The following ARHGAP6 variants were observed in gnomAD, a reference collection of about 807,000 sequenced individuals.
ARHGAP6 encodes rho GTPase-activating protein 6.
Under a neutral mutation model 55.7 loss-of-function variants are expected in ARHGAP6, and 16 were observed. The observed-to-expected ratio is 0.29, with a 90% confidence interval of 0.19 to 0.44. The LOEUF (loss-of-function observed/expected upper bound fraction) is 0.44. Among genes scored for constraint, ARHGAP6 ranks in the 20% least tolerant of loss-of-function variants. The pLI is 1.00. For synonymous variants in ARHGAP6, 382 were observed against 360.9 expected, an observed-to-expected ratio of 1.06 and a Z score of -0.66; for missense variants, 698 against 808.9, an observed-to-expected ratio of 0.86 and a Z score of 1.66.
At chrX:11,572,145 TAATCA>T (rs1403667631) in intron 1 of ARHGAP6, among the ~76,000 whole-genome samples, 3 of 111,945 alleles carry the variant, frequency 2.7e-5, no homozygotes, top group Non-Finnish European at 5.6e-5. Flanking sequence ...ACTATCAGGA[TAATCA>T]AATCATAATG....
chrX:11,658,118 C>G (rs1308421878), intron 1 of ARHGAP6, among the ~76,000 whole-genome samples: 1 of 111,759 alleles, frequency 8.9e-6, no homozygotes, highest in Non-Finnish European at 1.9e-5. Flanking sequence ...GCCCTTGGCT[C>G]TTTGCCTGAG....
At chrX:11,398,315 T>C (rs991167978) in intron 1 of ARHGAP6, among the ~76,000 whole-genome samples, 25 of 108,522 alleles carry the variant, frequency 2.3e-4, no homozygotes, top group South Asian at 4.1e-4. Flanking sequence ...TGTTTTCTAA[T>C]GTTTGCAGAG....
chrX:11,271,081 A>G (rs1451580373), intron 1 of ARHGAP6, among the ~76,000 whole-genome samples: 1 of 111,975 alleles, frequency 8.9e-6, no homozygotes, highest in Non-Finnish European at 1.9e-5. Flanking sequence ...TCTTGAAATA[A>G]GAAGGAAACT....
chrX:11,543,011 C>G (rs1029491875), intron 1 of ARHGAP6, among the ~76,000 whole-genome samples: 1 of 111,706 alleles, frequency 9.0e-6, no homozygotes, highest in Admixed American at 9.5e-5. Context: ...TGGGAAGGGT[C>G]TCCTTTGGGT....
At chrX:11,149,117 T>G (rs2057650) in intron 10 of ARHGAP6, among the ~76,000 whole-genome samples, 22,172 of 111,472 alleles carry the variant, frequency 0.2, 1,652 homozygotes, top group Middle Eastern at 0.26. Context: ...GGTGAAATTT[T>G]TCCCCTCATT....
intron 1 of ARHGAP6, among the ~76,000 whole-genome samples, chrX:11,610,407 T>C (rs1477403210): frequency 9.0e-6 from 1 of 110,934 alleles, no homozygotes; most frequent in Admixed American, 9.6e-5. Flanking sequence ...TATCCCCATT[T>C]TTCAGGTGAG....
intron 1 of ARHGAP6, among the ~76,000 whole-genome samples, chrX:11,475,563 A>G (rs1234189658): frequency 8.6e-4 from 24 of 27,876 alleles, no homozygotes; most frequent in Admixed American, 3.7e-3. Context: ...AAGAAACTAC[A>G]CACACACACA....
intron 1 of ARHGAP6, among the ~76,000 whole-genome samples, chrX:11,460,161 C>T (rs1462383128): frequency 1.8e-5 from 2 of 111,079 alleles, no homozygotes; most frequent in Non-Finnish European, 3.8e-5. Flanking sequence ...TCCATAGTAG[C>T]CTACAGGAGA....
intron 8 of ARHGAP6, among the ~76,000 whole-genome samples, chrX:11,177,148 C>T (rs1280266787): frequency 9.0e-6 from 1 of 111,381 alleles, no homozygotes; most frequent in Non-Finnish European, 1.9e-5. Context: ...AGTCTAAAAC[C>T]TCCTGAGGAA....
chrX:11,264,941 G>A lies in ARHGAP6; in HGVS notation c.589-10234C>T, dbSNP rs768209506. On this transcript the variant is annotated intron_variant, in intron 1 of 12. Transcript: ENST00000337414. Reference sequence around the variant, plus strand: ...GCACAGAACTTAAGTAACTTGCCAAGAGCACACACCAATTAAGTGGCAGAG... The same window carrying A: ...GCACAGAACTTAAGTAACTTGCCAAAAGCACACACCAATTAAGTGGCAGAG... Among the ~76,000 whole-genome samples, 9 of 112,505 alleles carry A rather than the reference G, an allele frequency of 8.0e-5. No individual in the cohort carries two copies. The South Asian group carries it at 3.3e-3, about 41-fold the overall frequency.
intron 1 of ARHGAP6, among the ~76,000 whole-genome samples, chrX:11,436,019 C>T (rs1187819597): frequency 9.8e-5 from 11 of 112,164 alleles, no homozygotes; most frequent in Admixed American, 8.5e-4. Flanking sequence ...TTCAGAAGCA[C>T]AAAATTTTTT....
At chrX:11,601,588 A>G (rs1367200636) in intron 1 of ARHGAP6, among the ~76,000 whole-genome samples, 1 of 112,105 alleles carries the variant, frequency 8.9e-6, no homozygotes, top group African/African-American at 3.2e-5. Flanking sequence ...CATGCTATGG[A>G]TATTACTGGT....
intron 1 of ARHGAP6, among the ~76,000 whole-genome samples, chrX:11,537,341 G>A (rs1263673341): frequency 8.9e-6 from 1 of 111,821 alleles, no homozygotes; most frequent in Admixed American, 9.5e-5. Context: ...CAGAGACCAA[G>A]GTTGTTGTGA....
chrX:11,408,673 T>C (rs2049641007), intron 1 of ARHGAP6, among the ~76,000 whole-genome samples: 1 of 109,766 alleles, frequency 9.1e-6, no homozygotes, highest in Non-Finnish European at 1.9e-5. Context: ...TTGTAGAAAT[T>C]GCCGTTCAGT....
intron 8 of ARHGAP6, among the ~76,000 whole-genome samples, chrX:11,171,709 A>G (rs974496544): frequency 1.8e-5 from 2 of 111,499 alleles, no homozygotes; most frequent in Non-Finnish European, 3.8e-5. Context: ...AAGTTTCTCT[A>G]GGCTAGGGTT....
In ARHGAP6 at chrX:11,437,089, G is replaced by C. The variant is rs755892593; in HGVS notation, c.589-182382C>G. On this transcript the variant is annotated intron_variant, in intron 1 of 12. Coordinates refer to ENST00000337414, the MANE Select transcript of ARHGAP6 (RefSeq NM_013427.3). ...GAAATAAGGAAGGAAGAAAGGGAGG[G>C]AGGGAGAAAGGGAAAGAGGAAGGAA... is the stretch of plus-strand genomic sequence containing the variant. Among the ~76,000 whole-genome samples the C allele has an allele frequency of 7.2e-5, 8 of 110,703 alleles. No individual in the cohort carries two copies. The South Asian group carries it at 2.7e-3, about 38-fold the overall frequency.
intron 1 of ARHGAP6, among the ~76,000 whole-genome samples, chrX:11,492,531 G>C (rs2050581779): frequency 9.0e-6 from 1 of 111,544 alleles, no homozygotes; most frequent in South Asian, 3.7e-4. Flanking sequence ...TAAACAAACA[G>C]AGGTACTCAA....
intron 2 of ARHGAP6, among the ~76,000 whole-genome samples, chrX:11,227,388 T>A (rs2047065007): frequency 8.9e-6 from 1 of 112,028 alleles, no homozygotes; most frequent in East Asian, 2.8e-4. Context: ...GAGGCACGTT[T>A]ACCGCTGTAA....
intron 1 of ARHGAP6, among the ~76,000 whole-genome samples, chrX:11,515,791 C>T (rs73486556): frequency 0.097 from 10,782 of 111,631 alleles, 609 homozygotes; most frequent in African/African-American, 0.2. Flanking sequence ...CAAAACATTC[C>T]CTAAAATTTA....
Sources: allele counts gnomAD v4.1 joint callset (sites outside exome capture counted in the v4.1 genomes callset), GRCh38; gene constraint gnomAD v4.1.1; transcripts MANE v1.5; gene names NCBI Gene and HGNC (gene_info 2026-07-23, HGNC 2026-07-21).